The following SGK3 variants were observed in gnomAD, a reference collection of about 807,000 sequenced individuals.
SGK3 encodes the protein serum/glucocorticoid regulated kinase family member 3.
SGK3 carries 47 observed loss-of-function variants against 68.5 expected under a neutral mutation model. The observed-to-expected ratio is 0.69, with a 90% CI of 0.54 to 0.87. SGK3 has a LOEUF of 0.87. SGK3 is among the 40% of genes least tolerant of loss of function. SGK3 has a pLI of 0.00. For synonymous variants in SGK3, 181 were observed against 189.1 expected (o/e 0.96, Z 0.35); for missense variants, 479 against 575.5 (o/e 0.83, Z 1.72).
At chr8:66,821,216 T>A (rs995155901) in intron 5 of SGK3, among the ~76,000 whole-genome samples, 17 of 152,128 alleles carry the variant, frequency 1.1e-4, no homozygotes, top group African/African-American at 3.1e-4. Context: ...CATAGCCATT[T>A]CCTCATCCCC....
intron 1 of SGK3, among the ~76,000 whole-genome samples, chr8:66,764,971 G>C (rs187071916): frequency 6.6e-6 from 1 of 152,262 alleles, no homozygotes; most frequent in African/African-American, 2.4e-5. Context: ...TGGACACATG[G>C]GTTATTTTCA....
chr8:66,851,250 G>A (rs1810270294), intron 16 of SGK3, among the ~76,000 whole-genome samples: 1 of 152,056 alleles, frequency 6.6e-6, no homozygotes, highest in Admixed American at 6.6e-5. Flanking sequence ...GGCTGAGGTG[G>A]GCAGATCACT....
intron 1 of SGK3, among the ~76,000 whole-genome samples, chr8:66,746,702 C>T (rs1344549910): frequency 2.0e-5 from 3 of 152,004 alleles, no homozygotes; most frequent in South Asian, 2.1e-4. Flanking sequence ...TATAGGCACA[C>T]GCCATACTAC....
At chr8:66,814,541 C>G (rs1034561763) in intron 5 of SGK3, among the ~76,000 whole-genome samples, 2 of 152,198 alleles carry the variant, frequency 1.3e-5, no homozygotes, top group Non-Finnish European at 2.9e-5. Context: ...TTCATGGTGA[C>G]TGGAGCTGAG....
At chr8:66,810,441 C>T (rs192830396) in intron 4 of SGK3, among the ~76,000 whole-genome samples, 1 of 152,170 alleles carries the variant, frequency 6.6e-6, no homozygotes, top group African/African-American at 2.4e-5. Flanking sequence ...TGGCTCACGC[C>T]TGTAATCCCA....
In SGK3 at chr8:66,797,881, C is replaced by T. The variant is rs139362381; in HGVS notation, c.97-661C>T. Reference sequence around the variant, plus strand: ...GGCAACATGTTAGAATTCAATAGATCCAAATAATGAGCACATGAGTGTTGA... The same window carrying T: ...GGCAACATGTTAGAATTCAATAGATTCAAATAATGAGCACATGAGTGTTGA... On this transcript the variant is annotated intron_variant, in intron 2 of 16. Coordinates refer to ENST00000521198, the MANE Select transcript of SGK3 (RefSeq NM_001033578.3). Among the ~76,000 whole-genome samples, 269 of 152,222 alleles carry T rather than the reference C, an allele frequency of 1.8e-3. 5 individuals carry two copies. Among genetic ancestry groups the T allele is most frequent in the African/African-American group, 6.2e-3 (258 of 41,542 alleles).
At chr8:66,742,035 T>C (rs926601548) in intron 1 of SGK3, among the ~76,000 whole-genome samples, 5 of 152,180 alleles carry the variant, frequency 3.3e-5, no homozygotes, top group African/African-American at 1.2e-4. Flanking sequence ...CCTTGGGAAG[T>C]ACATTACAAG....
intron 8 of SGK3, among the ~76,000 whole-genome samples, chr8:66,834,765 C>T (rs1809443048): frequency 6.6e-6 from 1 of 151,650 alleles, no homozygotes; most frequent in African/African-American, 2.4e-5. Flanking sequence ...AACCCCGTCT[C>T]TACTAAAAAT....
chr8:66,739,380 AATTTATTT>A (rs112309297), intron 1 of SGK3, among the ~76,000 whole-genome samples: 2 of 151,196 alleles, frequency 1.3e-5, no homozygotes, highest in African/African-American at 2.4e-5. Context: ...ATACCACACA[AATTTATTT>A]ATTTATTTAT....
chr8:66,730,223 T>C (rs1026077544), intron 1 of SGK3, among the ~76,000 whole-genome samples: 1 of 152,216 alleles, frequency 6.6e-6, no homozygotes, highest in Non-Finnish European at 1.5e-5. Context: ...ATGTTGAGCA[T>C]GTTTTCAGGT....
At chr8:66,800,199 G>T (rs1807872464) in intron 3 of SGK3, among the ~76,000 whole-genome samples, 1 of 151,708 alleles carries the variant, frequency 6.6e-6, no homozygotes, top group Non-Finnish European at 1.5e-5. Flanking sequence ...AAATTAGCCA[G>T]GCGTGGTGGT....
intron 1 of SGK3, among the ~76,000 whole-genome samples, chr8:66,777,797 A>G (rs759963357): frequency 1.1e-4 from 16 of 152,250 alleles, no homozygotes; most frequent in Non-Finnish European, 1.9e-4. Flanking sequence ...TGTATCTCCT[A>G]TAGATGAAGA....
intron 1 of SGK3, among the ~76,000 whole-genome samples, chr8:66,788,594 A>G (rs1179066982): frequency 6.6e-6 from 1 of 152,166 alleles, no homozygotes; most frequent in Non-Finnish European, 1.5e-5. Context: ...GGCTTCAGTA[A>G]AAACTGGCAG....
chr8:66,802,350 T>C (rs925120420), intron 3 of SGK3, among the ~76,000 whole-genome samples: 8 of 152,208 alleles, frequency 5.3e-5, no homozygotes, highest in Admixed American at 5.2e-4. Context: ...AACTTCAATG[T>C]GTCCTTTATG....
intron 1 of SGK3, among the ~76,000 whole-genome samples, chr8:66,784,023 A>G (rs1439278416): frequency 6.6e-6 from 1 of 151,942 alleles, no homozygotes; most frequent in African/African-American, 2.4e-5. Context: ...TCAGCCTCTC[A>G]AGTAGCCAGG....
intron 8 of SGK3, among the ~76,000 whole-genome samples, chr8:66,834,196 G>C (rs145361740): frequency 8.6e-4 from 130 of 151,602 alleles, no homozygotes; most frequent in African/African-American, 3.0e-3. Flanking sequence ...ATACATTGTA[G>C]TGTGTCATAT....
At chr8:66,780,622 C>T (rs1375330111) in intron 1 of SGK3, among the ~76,000 whole-genome samples, 2 of 151,912 alleles carry the variant, frequency 1.3e-5, no homozygotes, top group Non-Finnish European at 2.9e-5. Context: ...GGAAGGTGTG[C>T]GAAATAGGAA....
intron 1 of SGK3, among the ~76,000 whole-genome samples, chr8:66,788,224 G>A (rs925089023): frequency 6.6e-6 from 1 of 152,212 alleles, no homozygotes; most frequent in Non-Finnish European, 1.5e-5. Context: ...ACCTGCTTAA[G>A]CCCAGTCTTG....
At chr8:66,778,359 C>CGATCTCG (rs1230225911) in intron 1 of SGK3, among the ~76,000 whole-genome samples, 2 of 152,192 alleles carry the variant, frequency 1.3e-5, no homozygotes, top group Non-Finnish European at 2.9e-5. Flanking sequence ...AGTGGTGGCG[C>CGATCTCG]GATCTCGGCA....
Sources: allele counts gnomAD v4.1 joint callset (sites outside exome capture counted in the v4.1 genomes callset), GRCh38; gene constraint gnomAD v4.1.1; transcripts MANE v1.5; gene names NCBI Gene and HGNC (gene_info 2026-07-23, HGNC 2026-07-21).